Variants in FYB1 observed in about 807,000 individuals in gnomAD.
FYB1 encodes the protein FYN binding protein 1.
In FYB1, 41 loss-of-function variants were observed where a neutral mutation model predicts 94.1. The observed-to-expected ratio is 0.44, with a 90% CI of 0.34 to 0.57. The LOEUF is 0.57. FYB1 is among the 20% of genes least tolerant of loss of function. The probability of loss-of-function intolerance (pLI) is 0.02; values close to 1 mark genes in which losing one functional copy is unlikely to be tolerated. For synonymous variants in FYB1, 367 were observed against 353.2 expected (o/e 1.04, Z -0.44); for missense variants, 1,050 against 976.8 (o/e 1.07, Z -1.00).
chr5:39,175,493 C>T (rs1745639134), intron 2 of FYB1, among the ~76,000 whole-genome samples: 1 of 152,166 alleles, frequency 6.6e-6, no homozygotes, highest in Admixed American at 6.5e-5. Context: ...AAAACCTCTG[C>T]CTTCTTCTGG....
intron 10 of FYB1, among the ~76,000 whole-genome samples, chr5:39,129,209 A>T (rs1317498872): frequency 6.6e-6 from 1 of 152,104 alleles, no homozygotes; most frequent in Non-Finnish European, 1.5e-5. Flanking sequence ...ACACTGGGGA[A>T]AAAACACCCT....
chr5:39,115,515 C>T (rs978462549), intron 16 of FYB1, among the ~76,000 whole-genome samples: 3 of 151,990 alleles, frequency 2.0e-5, no homozygotes, highest in East Asian at 1.9e-4. Context: ...TTTATGTGCT[C>T]GCCTAAATAC....
intron 1 of FYB1, among the ~76,000 whole-genome samples, chr5:39,218,074 G>A (rs555555760): frequency 5.9e-5 from 9 of 152,328 alleles, no homozygotes; most frequent in African/African-American, 1.4e-4. Flanking sequence ...CAGAAGCTGG[G>A]GGGAATTTGA....
chr5:39,238,430 G>A (rs1369998544), intron 1 of FYB1, among the ~76,000 whole-genome samples: 1 of 151,952 alleles, frequency 6.6e-6, no homozygotes, highest in African/African-American at 2.4e-5. Flanking sequence ...AAATCCCCCA[G>A]TTATAACTTG....
At chr5:39,176,586 CAT>C (rs1162796522) in intron 2 of FYB1, among the ~76,000 whole-genome samples, 1 of 152,142 alleles carries the variant, frequency 6.6e-6, no homozygotes, top group Non-Finnish European at 1.5e-5. Context: ...TTTGGATGAT[CAT>C]ATGATTGGTC....
intron 2 of FYB1, among the ~76,000 whole-genome samples, 172 bp from the exon 3 acceptor site, chr5:39,153,776 G>A (rs2150360224): frequency 6.6e-6 from 1 of 152,178 alleles, no homozygotes; most frequent in South Asian, 2.1e-4. Flanking sequence ...TACGTTGTGT[G>A]CTGTATATCT....
At chr5:39,232,400 C>T (rs750695666) in intron 1 of FYB1, among the ~76,000 whole-genome samples, 4 of 152,226 alleles carry the variant, frequency 2.6e-5, no homozygotes, top group South Asian at 4.1e-4. Context: ...CAATAACCCA[C>T]AGATGTGCAG....
At chr5:39,261,596 G>A (rs1182861242) in intron 1 of FYB1, among the ~76,000 whole-genome samples, 6 of 151,880 alleles carry the variant, frequency 4.0e-5, no homozygotes, top group Admixed American at 3.9e-4. Context: ...AAAGGACAAA[G>A]ATTAGCCAAG....
intron 1 of FYB1, among the ~76,000 whole-genome samples, chr5:39,273,834 T>A (rs1180202202): frequency 6.6e-6 from 1 of 152,196 alleles, no homozygotes; most frequent in East Asian, 1.9e-4. Context: ...TAAACTCATC[T>A]TGCAAGTAGA....
chr5:39,205,334 C>G (rs1243514361), intron 1 of FYB1, among the ~76,000 whole-genome samples: 1 of 152,152 alleles, frequency 6.6e-6, no homozygotes, highest in Non-Finnish European at 1.5e-5. Context: ...ATTCTTTAGG[C>G]TTAGTTTTCT....
chr5:39,115,824 G>A (rs531323352), intron 16 of FYB1, among the ~76,000 whole-genome samples: 205 of 152,258 alleles, frequency 1.3e-3, no homozygotes, highest in Non-Finnish European at 2.4e-3. Context: ...TACTTAACCC[G>A]AAAGTCAGTA....
chr5:39,107,397 T>C lies in FYB1; in HGVS notation c.*46A>G. 7.1e-7 allele frequency: 1 copy of C among 1,412,952 alleles called. No homozygotes were observed. Among genetic ancestry groups the C allele is most frequent in the East Asian group, 2.7e-5 (1 of 37,256 alleles). 87.5% of individuals were successfully genotyped at this position (1,412,952 alleles called of 1,614,324 possible). ...TAACATGCCAATTAAAATCCAGACT[T>C]CACATTGGCACCTAATGAACACAGC... is the stretch of plus-strand genomic sequence containing the variant. On this transcript the variant is annotated 3_prime_UTR_variant, in exon 19 of 19. Transcript: ENST00000512982.
At chr5:39,166,823 G>C (rs1346533836) in intron 2 of FYB1, among the ~76,000 whole-genome samples, 1 of 152,068 alleles carries the variant, frequency 6.6e-6, no homozygotes, top group East Asian at 1.9e-4. Context: ...GTTGGCAAGA[G>C]TGAGGGATTG....
At chr5:39,165,368 C>T (rs72734756) in intron 2 of FYB1, among the ~76,000 whole-genome samples, 27,716 of 151,956 alleles carry the variant, frequency 0.18, 2,668 homozygotes, top group Non-Finnish European at 0.21. Context: ...TTGACAAAGT[C>T]GACAAAAATG....
intron 1 of FYB1, among the ~76,000 whole-genome samples, chr5:39,260,870 A>G (rs1304892226): frequency 6.6e-6 from 1 of 152,028 alleles, no homozygotes; most frequent in African/African-American, 2.4e-5. Context: ...TTTAACTGAG[A>G]TATGTCCATA....
At chr5:39,256,951 A>G (rs1211594577) in intron 1 of FYB1, among the ~76,000 whole-genome samples, 1 of 152,238 alleles carries the variant, frequency 6.6e-6, no homozygotes, top group African/African-American at 2.4e-5. Context: ...TGAAAAGTCA[A>G]ACATTTTCAT....
chr5:39,118,911 A>G lies in FYB1; in HGVS notation c.2364T>C (p.Asp788=), dbSNP rs2150277891. The G allele has an allele frequency of 1.9e-6, 3 of 1,548,964 alleles. No homozygotes were observed. Among genetic ancestry groups the G allele is most frequent in the East Asian group, 2.3e-5 (1 of 43,042 alleles). The stretch of plus-strand genomic sequence containing the variant: ...CATTTCTGCAGAGAACTTTTGTGTC[A>G]TCTGTGGTTTGTATAACTTCTAGAG... ...GESLEVIQTT[D]DTKVLCRNEE... is the part of the protein sequence containing the mutation. The change falls in exon 16 of 19, where the codon GAT becomes GAC. Residue 788 remains aspartate, a synonymous_variant. Coordinates refer to ENST00000512982, the MANE Select transcript of FYB1 (RefSeq NM_001465.6).
intron 2 of FYB1, among the ~76,000 whole-genome samples, chr5:39,187,419 C>A (rs2289545): frequency 6.6e-6 from 1 of 151,958 alleles, no homozygotes; most frequent in Non-Finnish European, 1.5e-5. Flanking sequence ...TTGTAAGTAC[C>A]GTATAAGCCT....
intron 1 of FYB1, among the ~76,000 whole-genome samples, chr5:39,236,367 A>G (rs1750966725): frequency 6.6e-6 from 1 of 152,090 alleles, no homozygotes; most frequent in African/African-American, 2.4e-5. Flanking sequence ...TATGAATAGG[A>G]AAATAAGGTA....
Sources: gnomAD v4.1 joint callset for allele counts (sites outside exome capture counted in the v4.1 genomes callset) on GRCh38, gnomAD v4.1.1 for gene constraint, MANE v1.5 for transcripts, NCBI Gene and HGNC (gene_info 2026-07-23, HGNC 2026-07-21) for gene names.